Variants in CFAP20DC observed in about 807,000 individuals in gnomAD.
CFAP20DC encodes the protein CFAP20 domain containing.
CFAP20DC carries 84 observed loss-of-function variants against 101.7 expected under a neutral mutation model. The ratio of observed to expected loss-of-function variants is 0.83; its 90% CI spans 0.69 to 0.99. CFAP20DC has a LOEUF of 0.99. Among genes scored for constraint, CFAP20DC ranks in the 50% least tolerant of loss-of-function variants. CFAP20DC has a pLI of 0.00. For missense variants in CFAP20DC, 1,007 were observed against 970.3 expected (o/e 1.04, Z -0.50); for synonymous variants, 359 against 351.2 (o/e 1.02, Z -0.25).
At chr3:58,856,685 T>C (rs1456377917) in intron 12 of CFAP20DC, among the ~76,000 whole-genome samples, 2 of 152,172 alleles carry the variant, frequency 1.3e-5, no homozygotes, top group Admixed American at 1.3e-4. Flanking sequence ...GCAATTTTTT[T>C]TTCATAGAGA....
At chr3:58,937,302 G>A (rs2087839820) in intron 5 of CFAP20DC, among the ~76,000 whole-genome samples, 1 of 152,108 alleles carries the variant, frequency 6.6e-6, no homozygotes, top group Admixed American at 6.6e-5. Context: ...TCTCCCTGTT[G>A]AAATCTTAGA....
intron 5 of CFAP20DC, among the ~76,000 whole-genome samples, chr3:58,921,832 C>G (rs1370910001): frequency 1.3e-5 from 2 of 152,114 alleles, no homozygotes; most frequent in Non-Finnish European, 2.9e-5. Context: ...ATTTACCATT[C>G]TGTGTTTAGT....
intron 3 of CFAP20DC, among the ~76,000 whole-genome samples, chr3:58,736,029 G>C (rs2067746332): frequency 6.6e-6 from 1 of 152,062 alleles, no homozygotes; most frequent in South Asian, 2.1e-4. Context: ...AGAAGTACCT[G>C]ACCTGAGAAG....
At chr3:58,871,279 G>A (rs2080184837) in intron 7 of CFAP20DC, among the ~76,000 whole-genome samples, 1 of 152,158 alleles carries the variant, frequency 6.6e-6, no homozygotes, top group Non-Finnish European at 1.5e-5. Flanking sequence ...GGAAGTGGCT[G>A]GTTTAGCTGG....
intron 16 of CFAP20DC, among the ~76,000 whole-genome samples, chr3:58,752,402 T>A (rs1425628683): frequency 6.6e-6 from 1 of 152,084 alleles, no homozygotes; most frequent in Non-Finnish European, 1.5e-5. Flanking sequence ...GCCAGCACAC[T>A]TCTACAATGG....
intron 6 of CFAP20DC, among the ~76,000 whole-genome samples, chr3:58,895,982 C>T (rs551680851): frequency 2.0e-5 from 3 of 152,206 alleles, no homozygotes; most frequent in Admixed American, 1.3e-4. Flanking sequence ...TCAGTTACCT[C>T]CTACCAGATC....
Position 58,913,752 on chromosome 3 carries a change from A to G in CFAP20DC, c.506T>C (p.Ile169Thr). 1 of 1,613,760 alleles carries G rather than the reference A, an allele frequency of 6.2e-7. No individual in the cohort carries two copies. The highest frequency in any genetic ancestry group is 8.5e-7 in the Non-Finnish European group (1 of 1,179,814). Residue 169 changes from isoleucine (I) to threonine (T), a missense_variant, in exon 6 of 17, where the codon ATC becomes ACC. Physicochemically the swap from Ile to Thr is moderately conservative, Grantham distance 89 (BLOSUM62 -1). Transcript: ENST00000482387. This position sits in a 1 kb window ranked among gnomAD's most constrained non-coding sequence, Gnocchi z 4.4. The part of the protein sequence containing the change: ...VVSANCKLRK[I>T]FTLKSKPQDT... Reference sequence around the variant, plus strand: ...TTGTGGCTTTGATTTTAAGGTGAAGATCTTCCGTAGCTTACAGTTAGCTGA... The same window carrying G: ...TTGTGGCTTTGATTTTAAGGTGAAGGTCTTCCGTAGCTTACAGTTAGCTGA...
At chr3:58,809,262 C>T (rs2074393054) in intron 14 of CFAP20DC, among the ~76,000 whole-genome samples, 1 of 151,938 alleles carries the variant, frequency 6.6e-6, no homozygotes, top group Non-Finnish European at 1.5e-5. Flanking sequence ...TTTTTCAGCA[C>T]CACACCACAC....
At chr3:58,957,389 G>T (rs747900462) in intron 4 of CFAP20DC, among the ~76,000 whole-genome samples, 1 of 152,132 alleles carries the variant, frequency 6.6e-6, no homozygotes. Flanking sequence ...GGTAACCCTT[G>T]TACACTGTTG....
intron 4 of CFAP20DC, among the ~76,000 whole-genome samples, chr3:59,039,175 G>A (rs2094154071): frequency 6.6e-6 from 1 of 151,950 alleles, no homozygotes; most frequent in Non-Finnish European, 1.5e-5. Flanking sequence ...ATTAAAATAA[G>A]ATATTTCAAT....
intron 4 of CFAP20DC, among the ~76,000 whole-genome samples, chr3:59,030,520 T>C (rs2093970764): frequency 6.6e-6 from 1 of 152,242 alleles, no homozygotes. Context: ...ATCCATAAGA[T>C]ATCTATTTTG....
rs1185950441 is a variant in CFAP20DC, at chr3:58,728,002, G to A, written c.198-10374C>T. On this transcript the variant is annotated intron_variant, in intron 3 of 3. Transcript: ENST00000486145. The surrounding 1 kb of genome is among the most constrained non-coding windows in gnomAD (Gnocchi z 4.7). Reference sequence around the variant, plus strand: ...CACATTTTATTGGCTAAAGAAGCAGGTCATGTAGTCAAACTTCATTTCAAG... The same window carrying A: ...CACATTTTATTGGCTAAAGAAGCAGATCATGTAGTCAAACTTCATTTCAAG... The A allele has an allele frequency of 2.6e-5, 4 of 152,212 alleles. No individual in the cohort carries two copies. Among genetic ancestry groups the A allele is most frequent in the African/African-American group, 9.6e-5 (4 of 41,452 alleles). The allele number at this position is 152,212 out of a possible 1,614,324, so 9.4% of individuals were successfully genotyped here.
chr3:58,730,904 G>A (rs963760426), intron 3 of CFAP20DC, among the ~76,000 whole-genome samples: 3 of 152,056 alleles, frequency 2.0e-5, no homozygotes, highest in African/African-American at 7.2e-5. Flanking sequence ...GTATCCCTGC[G>A]AGTGTGTGTC....
rs1225472675 is a variant in CFAP20DC at position 58,815,657 on chromosome 3, T to C, written c.2176-9201A>G. The stretch of plus-strand genomic sequence containing the variant: ...AATCTACAATGAACTCAAACAAATT[T>C]ACAAGAAAAAAAACAAACAACCCCA... On this transcript the variant is annotated intron_variant, in intron 14 of 16. Transcript: ENST00000482387. Among the ~76,000 whole-genome samples the C allele has an allele frequency of 3.8e-3, 575 of 151,074 alleles. 16 individuals are homozygous for C. The highest frequency in any genetic ancestry group is 0.012 in the African/African-American group (497 of 40,892).
chr3:58,946,130 T>A (rs1446959942), intron 4 of CFAP20DC, among the ~76,000 whole-genome samples: 1 of 149,260 alleles, frequency 6.7e-6, no homozygotes, highest in Non-Finnish European at 1.5e-5. Context: ...TTTTTTTTTT[T>A]TTTTGAGATG....
At chr3:58,931,763 A>T (rs2086730451) in intron 5 of CFAP20DC, among the ~76,000 whole-genome samples, 1 of 152,190 alleles carries the variant, frequency 6.6e-6, no homozygotes, top group African/African-American at 2.4e-5. Context: ...CGACACCAAA[A>T]ACCCATCTGT....
rs966164376 is a variant in CFAP20DC at position 58,742,329 on chromosome 3, G to T, written c.*131C>A. 5 of 1,272,212 alleles carry T rather than the reference G, an allele frequency of 3.9e-6. No individual in the cohort carries two copies. The African/African-American group carries it at 7.7e-5, about 20-fold the overall frequency. The allele number at this position is 1,272,212 out of a possible 1,614,324, so 78.8% of individuals were successfully genotyped here. A position where few individuals can be genotyped will look rare whatever the true frequency, so the allele number is the denominator to read the frequency against. On this transcript the variant is annotated 3_prime_UTR_variant, in exon 17 of 17. Transcript: ENST00000482387. ...TAACGTTGAACATTATTTACAAAAT[G>T]AATTCGTTTCTCTCAGTTACTGTTG... is the stretch of plus-strand genomic sequence containing the variant.
intron 3 of CFAP20DC, among the ~76,000 whole-genome samples, chr3:59,045,266 A>G (rs1394238948): frequency 6.6e-6 from 1 of 152,062 alleles, no homozygotes; most frequent in Non-Finnish European, 1.5e-5. Flanking sequence ...AGTTTAGAAA[A>G]CTGAATTAAA....
At chr3:58,998,988 A>G (rs1224583880) in intron 4 of CFAP20DC, among the ~76,000 whole-genome samples, 1 of 152,260 alleles carries the variant, frequency 6.6e-6, no homozygotes, top group Non-Finnish European at 1.5e-5. Flanking sequence ...AAACTCCTGC[A>G]CATTAACCTC....
Sources: gnomAD v4.1 joint callset for allele counts (sites outside exome capture counted in the v4.1 genomes callset) on GRCh38, gnomAD v4.1.1 for gene constraint, Gnocchi (gnomAD v3.1) non-coding constraint, MANE v1.5 for transcripts, NCBI Gene and HGNC (gene_info 2026-07-23, HGNC 2026-07-21) for gene names.